DLGAP1: variants seen among roughly 807,000 people sequenced by gnomAD.
DLGAP1 encodes the protein DLG associated protein 1, also known as disks large-associated protein 1.
A neutral mutation model predicts 90.8 loss-of-function variants in DLGAP1; 11 were observed. The observed-to-expected ratio is 0.12, with a 90% CI of 0.08 to 0.20. The LOEUF (loss-of-function observed/expected upper bound fraction) is 0.20. DLGAP1 is among the 10% of genes least tolerant of loss of function. The pLI is 1.00. For missense variants in DLGAP1, 1,050 were observed against 1,333.8 expected, an observed-to-expected ratio of 0.79 and a Z score of 3.31; for synonymous variants, 558 against 540.7, an observed-to-expected ratio of 1.03 and a Z score of -0.44.
At chr18:4,078,139 A>G (rs1049587544) in intron 2 of DLGAP1, among the ~76,000 whole-genome samples, 1 of 152,210 alleles carries the variant, frequency 6.6e-6, no homozygotes, top group Non-Finnish European at 1.5e-5. Flanking sequence ...CTAAAGCTTT[A>G]GAGTTTTAGC....
chr18:4,425,979 T>A (rs1291776094), intron 1 of DLGAP1, among the ~76,000 whole-genome samples: 2 of 152,240 alleles, frequency 1.3e-5, no homozygotes, highest in Non-Finnish European at 2.9e-5. Flanking sequence ...TGCCTAGTGA[T>A]TCACATTGTG....
At chr18:3,704,692 G>A (rs1299032362) in intron 7 of DLGAP1, among the ~76,000 whole-genome samples, 1 of 151,798 alleles carries the variant, frequency 6.6e-6, no homozygotes, top group East Asian at 1.9e-4. Flanking sequence ...GAATTAAAAT[G>A]TCTGAGAGAA....
rs199693984 is a variant in DLGAP1 at position 3,925,708 on chromosome 18, G to GA, written c.-72-45569dup. 6.5e-4 allele frequency among the ~76,000 whole-genome samples: 99 copies of GA among 151,896 alleles called. 1 individual carries two copies. The East Asian group carries it at 0.019, about 29-fold the overall frequency. On this transcript the variant is annotated intron_variant, in intron 3 of 12. Coordinates refer to ENST00000315677, the MANE Select transcript of DLGAP1 (RefSeq NM_004746.4). Reference sequence around the variant, plus strand: ...TTTTCAAAGCCACAGGTGCAGAGAAGAAAAAAAACCCAATAAAGCTCAAGT... The same window carrying GA: ...TTTTCAAAGCCACAGGTGCAGAGAAGAAAAAAAAACCCAATAAAGCTCAAGT...
chr18:3,939,608 T>C (rs1032843356), intron 3 of DLGAP1, among the ~76,000 whole-genome samples: 1 of 152,202 alleles, frequency 6.6e-6, no homozygotes, highest in African/African-American at 2.4e-5. Flanking sequence ...TATCTTAGTA[T>C]CTTACAGGGA....
chr18:3,523,586 G>C (rs141542129), intron 10 of DLGAP1, among the ~76,000 whole-genome samples: 1 of 152,028 alleles, frequency 6.6e-6, no homozygotes, highest in Non-Finnish European at 1.5e-5. Context: ...GGTGGCTCAC[G>C]CCTGTAATCC....
chr18:3,663,630 C>T (rs1055491314), intron 7 of DLGAP1, among the ~76,000 whole-genome samples: 1 of 152,270 alleles, frequency 6.6e-6, no homozygotes, highest in East Asian at 1.9e-4. Flanking sequence ...GTCTTGAAGC[C>T]GCAAGGCTGG....
rs1555668846 is a variant in DLGAP1, at chr18:3,527,410, C to CTGTTTTTTTTTTTTTTTTTTTTT, written c.2479+6783_2479+6784insAAAAAAAAAAAAAAAAAAAAACA. Among the ~76,000 whole-genome samples the CTGTTTTTTTTTTTTTTTTTTTTT allele has an allele frequency of 2.0e-5, 2 of 100,684 alleles. 1 individual carries two copies. Among genetic ancestry groups the CTGTTTTTTTTTTTTTTTTTTTTT allele is most frequent in the Non-Finnish European group, 3.8e-5 (2 of 51,962 alleles). The allele number at this position is 100,684 out of a possible 152,430, so 66.1% of individuals were successfully genotyped here. A position where few individuals can be genotyped will look rare whatever the true frequency, so the allele number is the denominator to read the frequency against. The stretch of plus-strand genomic sequence containing the variant: ...GTGAGTAAACAGGTTATTTTCCAAA[C>CTGTTTTTTTTTTTTTTTTTTTTT]TTTTTTTTTTTTTTTTTTTTTTGCC... On this transcript the variant is annotated intron_variant, in intron 10 of 12. Transcript: ENST00000315677.
intron 6 of DLGAP1, among the ~76,000 whole-genome samples, chr18:3,731,199 A>G (rs544178949): frequency 1.5e-3 from 232 of 152,172 alleles, no homozygotes; most frequent in Non-Finnish European, 2.5e-3. Flanking sequence ...TAATATATGT[A>G]TATGTATATA....
chr18:3,619,236 CAG>C (rs1482338097), intron 7 of DLGAP1, among the ~76,000 whole-genome samples: 1 of 152,238 alleles, frequency 6.6e-6, no homozygotes, highest in African/African-American at 2.4e-5. Flanking sequence ...TACCCACAAA[CAG>C]AGAATTCACA....
chr18:4,368,032 C>T (rs1363939466), intron 1 of DLGAP1, among the ~76,000 whole-genome samples: 2 of 152,036 alleles, frequency 1.3e-5, no homozygotes, highest in Non-Finnish European at 2.9e-5. Flanking sequence ...ATATGCAATG[C>T]ACACATTTTT....
At position 3,502,389 on chromosome 18, in the gene DLGAP1, C is replaced by T. The variant is rs1487440558; in HGVS notation, c.2724+104G>A. The T allele has an allele frequency of 3.3e-6, 5 of 1,528,514 alleles. No individual in the cohort carries two copies. In the African/African-American group the frequency reaches 5.5e-5, roughly 17 times the overall value. The allele number at this position is 1,528,514 out of a possible 1,614,324, so 94.7% of individuals were successfully genotyped here. A position where few individuals can be genotyped will look rare whatever the true frequency, so the allele number is the denominator to read the frequency against. ...AATGAAATTAATATGATATCAGCTC[C>T]ATTTCACATTGTAAACAGCAGGACT... On this transcript the variant is annotated intron_variant, in intron 12 of 12. Coordinates refer to ENST00000315677, the MANE Select transcript of DLGAP1 (RefSeq NM_004746.4).
intron 5 of DLGAP1, among the ~76,000 whole-genome samples, chr18:3,782,578 T>C (rs2065250933): frequency 6.6e-6 from 1 of 152,252 alleles, no homozygotes; most frequent in African/African-American, 2.4e-5. Flanking sequence ...CCCAAGTTTT[T>C]CTGGGTAGGG....
chr18:3,933,790 A>G (rs2072572447), intron 3 of DLGAP1, among the ~76,000 whole-genome samples: 1 of 152,172 alleles, frequency 6.6e-6, no homozygotes. Context: ...GGGATAGAGG[A>G]AGAGGTTGGC....
chr18:4,053,776 T>C (rs896604107), intron 2 of DLGAP1, among the ~76,000 whole-genome samples: 64 of 152,298 alleles, frequency 4.2e-4, no homozygotes, highest in African/African-American at 1.5e-3. Flanking sequence ...ACTCAGGTAG[T>C]TCTTTATACC....
At chr18:3,802,994 C>T (rs2066382673) in intron 5 of DLGAP1, among the ~76,000 whole-genome samples, 1 of 152,170 alleles carries the variant, frequency 6.6e-6, no homozygotes, top group African/African-American at 2.4e-5. Context: ...AGAAAGGCTA[C>T]CTAAAAATAA....
chr18:3,602,126 C>T (rs758159312), intron 7 of DLGAP1, among the ~76,000 whole-genome samples: 2 of 152,200 alleles, frequency 1.3e-5, no homozygotes, highest in Middle Eastern at 3.2e-3. Flanking sequence ...AGCTTTGATG[C>T]TGCCCAGGAC....
At chr18:3,916,980 G>A (rs1174281942) in intron 3 of DLGAP1, among the ~76,000 whole-genome samples, 2 of 152,170 alleles carry the variant, frequency 1.3e-5, no homozygotes, top group South Asian at 2.1e-4. Flanking sequence ...ACTGTACCTT[G>A]AGTACCCATA....
intron 7 of DLGAP1, chr18:3,607,750 C>T (rs2057390432): frequency 6.6e-6 from 1 of 152,168 alleles, no homozygotes; most frequent in African/African-American, 2.4e-5. Flanking sequence ...TAACCATTCT[C>T]TCTATCCTGC....
intron 1 of DLGAP1, chr18:4,430,494 TTGTGTGTCTGTG>T (rs1050782303): frequency 5.5e-5 from 4 of 73,234 alleles, no homozygotes; most frequent in African/African-American, 1.3e-4. Context: ...GTAAATAGTC[TTGTGTGTCTGTG>T]TGTGTGTGTG....
Sources: allele counts gnomAD v4.1 joint callset (sites outside exome capture counted in the v4.1 genomes callset), GRCh38; gene constraint gnomAD v4.1.1; transcripts MANE v1.5; gene names NCBI Gene and HGNC (gene_info 2026-07-23, HGNC 2026-07-21).